KMT2D: variants seen among roughly 807,000 people sequenced by gnomAD.
The protein encoded by KMT2D is histone-lysine N-methyltransferase 2D.
A neutral mutation model predicts 512.7 loss-of-function variants in KMT2D; 55 were observed. The ratio of observed to expected loss-of-function variants is 0.11; its 90% CI spans 0.09 to 0.13. The LOEUF (loss-of-function observed/expected upper bound fraction) is 0.13. Among genes scored for constraint, KMT2D ranks in the 10% least tolerant of loss-of-function variants. The pLI, the probability that KMT2D is intolerant of heterozygous loss-of-function variation, is 1.00. For missense variants in KMT2D, 6,061 were observed against 7,127.9 expected (o/e 0.85, Z 5.39); for synonymous variants, 2,995 against 2,904.0 (o/e 1.03, Z -1.01).
At position 49,051,026 on chromosome 12, in the gene KMT2D, G is replaced by T. The variant is rs587783709; in HGVS notation, c.2657C>A (p.Pro886His). 2 of 1,557,658 alleles carry T rather than the reference G, an allele frequency of 1.3e-6. No individual in the cohort carries two copies. The highest frequency in any genetic ancestry group is 4.5e-5 in the East Asian group (2 of 44,456). The part of the protein sequence containing the change: ...APEELPLFPP[P>H]GEPSLSPLLG... The stretch of plus-strand genomic sequence containing the variant: ...CAAGGGAGATAAGGATGGTTCCCCA[G>T]GGGGAGGGAACAAGGGCAGCTCCTC... The change falls in exon 11 of 55, where the codon CCT becomes CAT. Residue 886 changes from proline to histidine, a missense_variant. Coordinates refer to ENST00000301067, the MANE Select transcript of KMT2D (RefSeq NM_003482.4).
At chr12:49,047,212 T>G (rs984587997) in intron 15 of KMT2D, among the ~76,000 whole-genome samples, 1 of 151,880 alleles carries the variant, frequency 6.6e-6, no homozygotes, top group Non-Finnish European at 1.5e-5. Context: ...TAGGCCTCCA[T>G]TTGAGCACAC....
intron 14 of KMT2D, 87 bp downstream of exon 14, chr12:49,048,572 C>CA: frequency 1.2e-6 from 1 of 834,232 alleles, no homozygotes; most frequent in South Asian, 1.5e-5. Flanking sequence ...CTGGGTATCC[C>CA]CAAAGTAGGT....
rs1028524252 is a variant in KMT2D, at chr12:49,040,662, G to A, written c.7108C>T (p.Arg2370Cys). ...PSPPSHPDIF[R>C]PGSYTDPYAQ... ...TATGGGTCAGTGTAGGAGCCAGGGCGAAAGATGTCTGGGTGACTTGGAGGA... is the reference window on the plus strand; with the variant it reads ...TATGGGTCAGTGTAGGAGCCAGGGCAAAAGATGTCTGGGTGACTTGGAGGA... Residue 2370 changes from arginine to cysteine, a missense_variant, in exon 32 of 55, where the codon CGC (arginine) becomes TGC (cysteine). Around this residue, in one of 16 missense-constraint regions of KMT2D, gnomAD observed 710 missense variants for 647.3 expected, o/e 1.10. Transcript: ENST00000301067. 35 of 1,613,698 alleles carry A rather than the reference G, an allele frequency of 2.2e-5. No individual in the cohort carries two copies. Among genetic ancestry groups the A allele is most frequent in the Admixed American group, 6.7e-5 (4 of 60,002 alleles).
At chr12:49,056,590 G>T (rs988987698) in intron 1 of KMT2D, among the ~76,000 whole-genome samples, 1 of 152,200 alleles carries the variant, frequency 6.6e-6, no homozygotes, top group Non-Finnish European at 1.5e-5. Context: ...GGTATACAGT[G>T]TTCCTAGAGA....
At chr12:49,023,959 T>C in intron 51 of KMT2D, 1 of 433,484 alleles carries the variant, frequency 2.3e-6, no homozygotes, top group South Asian at 1.7e-5. Context: ...AAGGGTCTGG[T>C]CCCAGCTGTG....
In KMT2D at chr12:49,046,507, C is replaced by CA. The variant is rs1943792487; in HGVS notation, c.4419-84dup. On this transcript the variant is annotated intron_variant, in intron 16 of 54. Transcript: ENST00000301067. This position sits in a 1 kb window ranked among gnomAD's most constrained non-coding sequence, Gnocchi z 4.2. ...TCCCCTCACCGGAAACCCAAGCCAC[C>CA]AGCCTGGCCTCCTAAACCCAGCCTC... 38 of 1,581,950 alleles carry CA rather than the reference C, an allele frequency of 2.4e-5. No individual in the cohort carries two copies. The South Asian group carries it at 4.1e-4, about 17-fold the overall frequency.
rs990328806 is a variant in KMT2D, at chr12:49,041,455, G to A, written c.6315C>T (p.Arg2105=). The A allele has an allele frequency of 1.9e-6, 3 of 1,612,966 alleles. No individual in the cohort carries two copies. The African/African-American group carries it at 4.0e-5, about 22-fold the overall frequency. Residue 2105 remains arginine (R), a synonymous_variant, in exon 32 of 55, where the codon CGC becomes CGT. Coordinates refer to ENST00000301067, the MANE Select transcript of KMT2D (RefSeq NM_003482.4). The surrounding 1 kb of genome is among the most constrained non-coding windows in gnomAD (Gnocchi z 5.4). ...CCAGTGCCCCTGGCTGCGGGGGAAT[G>A]CGGAGATGTAGGGCCGGTCGGTCAG... The part of the protein sequence containing the change: ...RKTDRPALHL[R]IPPQPGALGS...
At position 49,032,181 on chromosome 12, in the gene KMT2D, G is replaced by A. The variant is rs200315963; in HGVS notation, c.12524C>T (p.Pro4175Leu). Residue 4175 changes from proline to leucine, a missense_variant, in exon 40 of 55, where the codon CCA (proline) becomes CTA (leucine). By Grantham distance (98) the Pro-to-Leu change is moderately conservative. Around this residue, in one of 16 missense-constraint regions of KMT2D, gnomAD observed 1,600 missense variants for 1,754.9 expected, o/e 0.91. Transcript: ENST00000301067. ...CTGCCCAGACTGGAGGACAGGTCCT[G>A]GTTTGGGAGGTTGTGGCCCTGTATT... ...QNNTGPQPPK[P>L]GPVLQSGQGL... is the part of the protein sequence containing the mutation. 6.8e-6 allele frequency: 11 copies of A among 1,613,004 alleles called. No homozygotes were observed. The South Asian group carries it at 1.2e-4, about 18-fold the overall frequency.
intron 35 of KMT2D, 28 bp from the exon 36 acceptor site, chr12:49,034,963 G>A (rs1236231041): frequency 6.2e-6 from 10 of 1,612,772 alleles, no homozygotes; most frequent in Middle Eastern, 1.7e-4. Context: ...AAGTGAGCTG[G>A]GCTATGGGGC....
In KMT2D at chr12:49,030,694, G is replaced by A; in HGVS notation, c.13746C>T (p.Gly4582=). The change falls in exon 42 of 55, where the codon GGC becomes GGT. Residue 4582 remains glycine (G), a synonymous_variant. Transcript: ENST00000301067. ...GCTGGCTCTGCCCATTGACTGGGCA[G>A]CCACTGCCAAAGGGGGCAAAGAGGC... ...NFSLFAPFGS[G]CPVNGQSQLR... is the part of the protein sequence containing the mutation. 6.2e-7 allele frequency: 1 copy of A among 1,613,642 alleles called. No homozygotes were observed. The highest frequency in any genetic ancestry group is 8.5e-7 in the Non-Finnish European group (1 of 1,179,876).
At position 49,033,622 on chromosome 12, in the gene KMT2D, G is replaced by A. The variant is rs557907074; in HGVS notation, c.11083C>T (p.Pro3695Ser). The change falls in exon 40 of 55, where the codon CCT becomes TCT. Residue 3695 changes from proline (P) to serine (S), a missense_variant. By Grantham distance (74) the Pro-to-Ser change is moderately conservative. This residue lies in a region of KMT2D where 1,600 missense variants were observed against 1,754.9 expected (regional missense o/e 0.91). Coordinates refer to ENST00000301067, the MANE Select transcript of KMT2D (RefSeq NM_003482.4). ...TTGCCAGGGAAGAAGCCCCCTGAAG[G>A]GCCAGCCAGGGATCCAGCCCCACCA... ...HSGGAGSLAG[P>S]SGGFFPGNLA... The A allele has an allele frequency of 2.7e-5, 43 of 1,613,680 alleles. No individual in the cohort carries two copies. In the South Asian group the frequency reaches 4.3e-4, roughly 16 times the overall value.
chr12:49,060,768 C>T lies in KMT2D; in HGVS notation c.-1193G>A, dbSNP rs1244923156. ...GAGGGGGAGAAAGGAGAAGAGGCGG[C>T]CCTATTTTGTGTTGGAGCGGAGCGG... On this transcript the variant is annotated 5_prime_UTR_variant, in exon 1 of 55. Transcript: ENST00000301067. Among the ~76,000 whole-genome samples the T allele has an allele frequency of 6.6e-6, 1 of 152,200 alleles. No individual in the cohort carries two copies. Among genetic ancestry groups the T allele is most frequent in the Non-Finnish European group, 1.5e-5 (1 of 68,034 alleles).
Position 49,030,917 on chromosome 12 carries a change from C to T in KMT2D, c.13647G>A (p.Glu4549=), listed in dbSNP as rs1392320249. 6.2e-7 allele frequency: 1 copy of T among 1,613,894 alleles called. No individual in the cohort carries two copies. Among genetic ancestry groups the T allele is most frequent in the South Asian group, 1.1e-5 (1 of 91,066 alleles). ...LRKEDGVRAS[E]ALLKQLKQEL... ...CCTGTTTCAGCTGTTTCAGCAAGGC[C>T]TCGCTGGCCCTGACCCCGTCCTCCT... is the stretch of plus-strand genomic sequence containing the variant. Residue 4549 remains glutamate, a synonymous_variant, in exon 41 of 55, where the codon GAG becomes GAA. Transcript: ENST00000301067.
rs984228675 is a variant in KMT2D at position 49,046,929 on chromosome 12, T to C, written c.4237-139A>G. On this transcript the variant is annotated intron_variant, in intron 15 of 54. Transcript: ENST00000301067. This position sits in a 1 kb window ranked among gnomAD's most constrained non-coding sequence, Gnocchi z 4.2. ...GGCGCGATCTCGGCTCACTGCAACC[T>C]CTGCCTCTCAGGTACAAGTGATTCT... 3.9e-5 allele frequency: 27 copies of C among 696,654 alleles called. No homozygotes were observed. Among genetic ancestry groups the C allele is most frequent in the Non-Finnish European group, 5.1e-5 (22 of 429,464 alleles). 43.2% of individuals were successfully genotyped at this position (696,654 alleles called of 1,614,324 possible). A position where few individuals can be genotyped will look rare whatever the true frequency, so the allele number is the denominator to read the frequency against.
At position 49,060,168 on chromosome 12, in the gene KMT2D, G is replaced by A. The variant is rs1384462258; in HGVS notation, c.-593C>T. ...GCGCGAGCTACGGCGACGCGGGGCCGGCGGGGCCGCGGGGCTGAACCTGAC... is the reference window on the plus strand; with the variant it reads ...GCGCGAGCTACGGCGACGCGGGGCCAGCGGGGCCGCGGGGCTGAACCTGAC... On this transcript the variant is annotated 5_prime_UTR_variant, in exon 1 of 55. Transcript: ENST00000301067. Among the ~76,000 whole-genome samples, 1 of 151,486 alleles carries A rather than the reference G, an allele frequency of 6.6e-6. No individual in the cohort carries two copies. Among genetic ancestry groups the A allele is most frequent in the East Asian group, 1.9e-4 (1 of 5,146 alleles).
rs763262491 is a variant in KMT2D at position 49,040,613 on chromosome 12, C to T, written c.7157G>A (p.Arg2386Gln). The change falls in exon 32 of 55, where the codon CGG becomes CAG. Residue 2386 changes from arginine to glutamine, a missense_variant. By Grantham distance (43) the Arg-to-Gln change is conservative. Coordinates refer to ENST00000301067, the MANE Select transcript of KMT2D (RefSeq NM_003482.4). ...GCTCTCAGGGGGCGGAGGTTGGGGC[C>T]GAGGAGTCAATGGGGGCTGAGCATA... is the stretch of plus-strand genomic sequence containing the variant. ...DPYAQPPLTP[R>Q]PQPPPPESCC... The T allele has an allele frequency of 9.3e-6, 15 of 1,612,466 alleles. No homozygotes were observed. The Admixed American group carries it at 1.0e-4, about 11-fold the overall frequency.
rs1246771417 is a variant in KMT2D, at chr12:49,044,987, G to A, written c.4742-22C>T. 15 of 1,598,822 alleles carry A rather than the reference G, an allele frequency of 9.4e-6. No individual in the cohort carries two copies. The highest frequency in any genetic ancestry group is 1.2e-5 in the Non-Finnish European group (14 of 1,166,732). ...GGCTCTGCATAAGAGGAAAGAGTAT[G>A]TGATCCCTGGATGGAAGCCCCAGGG... On this transcript the variant is annotated intron_variant, in intron 19 of 54. Transcript: ENST00000301067. The surrounding 1 kb of genome is among the most constrained non-coding windows in gnomAD (Gnocchi z 6.4).
intron 35 of KMT2D, chr12:49,036,029 G>C (rs1489783846): frequency 6.6e-6 from 1 of 152,176 alleles, no homozygotes; most frequent in African/African-American, 2.4e-5. Context: ...TGTAATCAAA[G>C]ATAATAACAA....
In KMT2D at chr12:49,051,105, G is replaced by A. The variant is rs768832125; in HGVS notation, c.2578C>T (p.Leu860=). The change falls in exon 11 of 55, where the codon CTG becomes TTG. Residue 860 remains leucine (L), a synonymous_variant. Coordinates refer to ENST00000301067, the MANE Select transcript of KMT2D (RefSeq NM_003482.4). ...HLSPELEKPP[L]SPRPEKPPEE... is the part of the protein sequence containing the mutation. ...GGGGGCTTTTCAGGCCGAGGGGACAGGGGTGGCTTCTCAAGCTCAGGGGAC... is the reference window on the plus strand; with the variant it reads ...GGGGGCTTTTCAGGCCGAGGGGACAAGGGTGGCTTCTCAAGCTCAGGGGAC... The A allele has an allele frequency of 6.6e-7, 1 of 1,522,756 alleles. No individual in the cohort carries two copies. The highest frequency in any genetic ancestry group is 1.3e-5 in the South Asian group (1 of 75,576). 94.3% of individuals were successfully genotyped at this position (1,522,756 alleles called of 1,614,324 possible). A position where few individuals can be genotyped will look rare whatever the true frequency, so the allele number is the denominator to read the frequency against.
Sources: allele counts gnomAD v4.1 joint callset (sites outside exome capture counted in the v4.1 genomes callset), GRCh38; gene constraint gnomAD v4.1.1; regional missense constraint gnomAD v4.1.1; non-coding constraint Gnocchi (gnomAD v3.1); transcripts MANE v1.5; gene names NCBI Gene and HGNC (gene_info 2026-07-23, HGNC 2026-07-21).